NSD2: variants seen among roughly 807,000 people sequenced by gnomAD.
The protein encoded by NSD2 is histone-lysine N-methyltransferase NSD2.
Under a neutral mutation model 139.0 loss-of-function variants are expected in NSD2, and 12 were observed. That is an observed-to-expected ratio of 0.09 (90% CI 0.06 to 0.14). NSD2 has a LOEUF of 0.14. Ranked by LOEUF, NSD2 falls within the 10% of genes least tolerant of loss-of-function variation. NSD2 has a pLI of 1.00. For missense variants in NSD2, 1,155 were observed against 1,745.0 expected (o/e 0.66, Z 6.02); for synonymous variants, 669 against 648.7 (o/e 1.03, Z -0.48).
At chr4:1,904,815 A>T (rs558721650) in intron 3 of NSD2, among the ~76,000 whole-genome samples, 2 of 152,170 alleles carry the variant, frequency 1.3e-5, no homozygotes, top group African/African-American at 4.8e-5. Context: ...TGATTTTTAC[A>T]TGGAGCGGCT....
chr4:1,938,388 C>CTTTTTTTTTTTTTTTTTT, intron 7 of NSD2, 63 bp from the exon 8 acceptor site: 4 of 1,129,858 alleles, frequency 3.5e-6, no homozygotes, highest in South Asian at 2.7e-5. Context: ...TTTTTTTTTC[C>CTTTTTTTTTTTTTTTTTT]TTTTTTTCTT....
chr4:1,914,145 C>T (rs987176639), intron 3 of NSD2, among the ~76,000 whole-genome samples: 16 of 152,132 alleles, frequency 1.1e-4, no homozygotes, highest in African/African-American at 3.4e-4. Context: ...GCCTCAGCCT[C>T]CCGAGTAGCT....
intron 7 of NSD2, among the ~76,000 whole-genome samples, chr4:1,935,866 A>C (rs1722324556): frequency 1.3e-5 from 2 of 152,136 alleles, no homozygotes; most frequent in African/African-American, 2.4e-5. Context: ...GTCTCAAAAA[A>C]AAACAAACAA....
rs563125080 is a variant in NSD2, at chr4:1,909,316, G to A, written c.760+4938G>A. On this transcript the variant is annotated intron_variant, in intron 3 of 21. Transcript: ENST00000508803. ...CTCAGAGAAGGCCTAGGTTCTTTGA[G>A]TACAGAATAGTATGTAGGAGCCCAG... 5.3e-5 allele frequency among the ~76,000 whole-genome samples: 8 copies of A among 152,152 alleles called. No individual in the cohort carries two copies. The South Asian group carries it at 1.0e-3, about 20-fold the overall frequency.
rs926293461 is a variant in NSD2, at chr4:1,956,442, T to G, written c.2881+254T>G. On this transcript the variant is annotated intron_variant, in intron 15 of 21. Transcript: ENST00000508803. The surrounding 1 kb of genome is among the most constrained non-coding windows in gnomAD (Gnocchi z 5.3). ...AAACCTATTATTCAGAAATTATTTT[T>G]AATACTAATTTACAGAAATGTTCCA... Among the ~76,000 whole-genome samples the G allele has an allele frequency of 3.3e-5, 5 of 152,246 alleles. No individual in the cohort carries two copies. Among genetic ancestry groups the G allele is most frequent in the African/African-American group, 9.6e-5 (4 of 41,460 alleles).
At chr4:1,912,502 A>G (rs1254443408) in intron 3 of NSD2, among the ~76,000 whole-genome samples, 1 of 152,140 alleles carries the variant, frequency 6.6e-6, no homozygotes, top group Non-Finnish European at 1.5e-5. Context: ...TTTTGAAATC[A>G]TACACTATGT....
chr4:1,969,377 C>T (rs868042974), intron 18 of NSD2, among the ~76,000 whole-genome samples: 1 of 152,126 alleles, frequency 6.6e-6, no homozygotes, highest in African/African-American at 2.4e-5. Context: ...AGAAATCCGA[C>T]TTCTTCAGAA....
At chr4:1,940,003 T>G in intron 9 of NSD2, 1 of 1,398,582 alleles carries the variant, frequency 7.2e-7, no homozygotes, top group Non-Finnish European at 9.3e-7. Flanking sequence ...ACAGTGTCTG[T>G]GTACATGTAC....
chr4:1,939,223 C>G lies in NSD2; in HGVS notation c.1757-431C>G, dbSNP rs576176696. 3.8e-5 allele frequency: 6 copies of G among 158,798 alleles called. No individual in the cohort carries two copies. In the East Asian group the frequency reaches 8.9e-4, roughly 23 times the overall value. 9.8% of individuals were successfully genotyped at this position (158,798 alleles called of 1,614,324 possible). A position where few individuals can be genotyped will look rare whatever the true frequency, so the allele number is the denominator to read the frequency against. On this transcript the variant is annotated intron_variant, in intron 8 of 21. Transcript: ENST00000508803. ...CTTTAAAAAAAAAAAAAGACATGAGCAATTGGACATTTGAACGCTAGCTGA... is the reference window on the plus strand; with the variant it reads ...CTTTAAAAAAAAAAAAAGACATGAGGAATTGGACATTTGAACGCTAGCTGA...
intron 2 of NSD2, among the ~76,000 whole-genome samples, chr4:1,901,761 C>G (rs1157204198): frequency 6.6e-6 from 1 of 152,238 alleles, no homozygotes; most frequent in Non-Finnish European, 1.5e-5. Flanking sequence ...CACTTACTGT[C>G]TCCTCAGCCA....
chr4:1,912,054 G>A, intron 3 of NSD2: 2 of 332,074 alleles, frequency 6.0e-6, no homozygotes, highest in South Asian at 4.6e-5. Flanking sequence ...AGTAATGGAA[G>A]AAGTCACAAA....
At chr4:1,949,533 C>A (rs1003050392) in intron 9 of NSD2, among the ~76,000 whole-genome samples, 1 of 152,046 alleles carries the variant, frequency 6.6e-6, no homozygotes, top group Non-Finnish European at 1.5e-5. Context: ...GAGGCCAAGG[C>A]GGGTGGATCA....
chr4:1,961,303 C>T (rs2108977411), intron 18 of NSD2, 152 bp downstream of exon 18: 1 of 674,344 alleles, frequency 1.5e-6, no homozygotes. Flanking sequence ...TTCTGAGGTG[C>T]AGCGTGTCTT....
At chr4:1,929,537 G>A (rs902247006) in intron 5 of NSD2, among the ~76,000 whole-genome samples, 1 of 152,218 alleles carries the variant, frequency 6.6e-6, no homozygotes, top group Non-Finnish European at 1.5e-5. Flanking sequence ...GGTGAGCAGT[G>A]AGGGCTCTGT....
At chr4:1,926,067 T>A (rs927797042) in intron 5 of NSD2, among the ~76,000 whole-genome samples, 2 of 151,780 alleles carry the variant, frequency 1.3e-5, no homozygotes, top group Non-Finnish European at 2.9e-5. Context: ...CCTCCCACAG[T>A]GCTGGGATTA....
chr4:1,901,099 G>A lies in NSD2; in HGVS notation c.445G>A (p.Ala149Thr), dbSNP rs145603828. The A allele has an allele frequency of 1.4e-5, 23 of 1,614,080 alleles. No individual in the cohort carries two copies. In the Admixed American group the frequency reaches 1.8e-4, roughly 13 times the overall value. ...ATCTTCCATTTGTGGTGACAGTGCTGCTGATGTGTCTCAGTCAGAAGAAAA... is the reference window on the plus strand; with the variant it reads ...ATCTTCCATTTGTGGTGACAGTGCTACTGATGTGTCTCAGTCAGAAGAAAA... Reference protein sequence around the residue: ...FESSICGDSAADVSQSEENGQ... With the variant: ...FESSICGDSATDVSQSEENGQ... The change falls in exon 2 of 22, where the codon GCT (alanine) becomes ACT (threonine). Residue 149 changes from alanine (A) to threonine (T), a missense_variant. Ala to Thr is a moderately conservative substitution (Grantham distance 58). This residue lies in a region of NSD2 where 246 missense variants were observed against 262.8 expected (regional missense o/e 0.94). Coordinates refer to ENST00000508803, the MANE Select transcript of NSD2 (RefSeq NM_001042424.3).
At chr4:1,953,241 G>A in intron 11 of NSD2, 83 bp from the exon 12 acceptor site, 1 of 1,610,546 alleles carries the variant, frequency 6.2e-7, no homozygotes, top group Non-Finnish European at 8.5e-7. Flanking sequence ...AAGAGGAGTT[G>A]CTTGATTTTA....
chr4:1,942,350 G>A lies in NSD2; in HGVS notation c.1881+2572G>A, dbSNP rs772067921. The stretch of plus-strand genomic sequence containing the variant: ...TTCACTGGTAACAGCTTTTGTGGGA[G>A]CCCACACCAGTCAAGTTGGATTTGA... On this transcript the variant is annotated intron_variant, in intron 9 of 21. Transcript: ENST00000508803. The surrounding 1 kb of genome is among the most constrained non-coding windows in gnomAD (Gnocchi z 4.0). 3.1e-6 allele frequency: 5 copies of A among 1,613,406 alleles called. No individual in the cohort carries two copies. In the African/African-American group the frequency reaches 5.3e-5, roughly 17 times the overall value.
At chr4:1,926,012 A>G (rs910520198) in intron 5 of NSD2, among the ~76,000 whole-genome samples, 14 of 151,760 alleles carry the variant, frequency 9.2e-5, no homozygotes, top group Non-Finnish European at 5.9e-5. Flanking sequence ...TATGTTGCCC[A>G]ATCTGGACTC....
Sources: gnomAD v4.1 joint callset for allele counts (sites outside exome capture counted in the v4.1 genomes callset) on GRCh38, gnomAD v4.1.1 for gene constraint, gnomAD v4.1.1 regional missense constraint, Gnocchi (gnomAD v3.1) non-coding constraint, MANE v1.5 for transcripts, NCBI Gene and HGNC (gene_info 2026-07-23, HGNC 2026-07-21) for gene names.